SLC24A2: variants seen among roughly 807,000 people sequenced by gnomAD.
The protein encoded by SLC24A2 is solute carrier family 24 member 2.
Under a neutral mutation model 62.0 loss-of-function variants are expected in SLC24A2, and 36 were observed. That is an observed-to-expected ratio of 0.58 (90% CI 0.44 to 0.77). SLC24A2 has a LOEUF of 0.77. Ranked by LOEUF, SLC24A2 falls within the 30% of genes least tolerant of loss-of-function variation. The pLI is 0.00. For missense variants in SLC24A2, 846 were observed against 817.9 expected (o/e 1.03, Z -0.42); for synonymous variants, 358 against 294.0 (o/e 1.22, Z -2.23).
the SLC24A2 span, among the ~76,000 whole-genome samples, chr9:20,125,402 A>C: frequency 1.3e-5 from 2 of 152,232 alleles, no homozygotes; most frequent in African/African-American, 4.8e-5. Flanking sequence ...TGCACGTTGC[A>C]TTAATATAAC....
At chr9:20,104,456 C>A in the SLC24A2 span, among the ~76,000 whole-genome samples, 2 of 152,162 alleles carry the variant, frequency 1.3e-5, no homozygotes, top group African/African-American at 2.4e-5. Context: ...AGAGAAAGGT[C>A]GGGTTACCCA....
chr9:20,061,960 G>A, the SLC24A2 span, among the ~76,000 whole-genome samples: 1 of 152,196 alleles, frequency 6.6e-6, no homozygotes, highest in Middle Eastern at 3.2e-3. Flanking sequence ...TCTAGCCTGA[G>A]CATGCTGGCT....
chr9:20,245,971 G>A, the SLC24A2 span, among the ~76,000 whole-genome samples: 2 of 152,146 alleles, frequency 1.3e-5, no homozygotes, highest in African/African-American at 4.8e-5. Context: ...ATTAGTATAA[G>A]GGGGAGCCAG....
At chr9:20,108,989 T>C in the SLC24A2 span, among the ~76,000 whole-genome samples, 14 of 152,208 alleles carry the variant, frequency 9.2e-5, no homozygotes, top group African/African-American at 3.1e-4. Flanking sequence ...ATTTTAACTG[T>C]ACCTTTTCCA....
chr9:19,837,463 A>T, the SLC24A2 span, among the ~76,000 whole-genome samples: 1 of 104,138 alleles, frequency 9.6e-6, no homozygotes, highest in South Asian at 2.8e-4. Flanking sequence ...CGTCTCAAAA[A>T]AAAAAAAAAA....
chr9:19,621,262 G>T (rs149171658), intron 3 of SLC24A2, among the ~76,000 whole-genome samples: 1 of 152,192 alleles, frequency 6.6e-6, no homozygotes, highest in Non-Finnish European at 1.5e-5. Context: ...GGATGGAAAA[G>T]AATCAGTGGG....
chr9:20,121,246 C>A, the SLC24A2 span, among the ~76,000 whole-genome samples: 1 of 151,290 alleles, frequency 6.6e-6, no homozygotes, highest in African/African-American at 2.4e-5. Flanking sequence ...TCTTCCAATC[C>A]ATGAACTTTG....
the SLC24A2 span, among the ~76,000 whole-genome samples, chr9:20,239,149 C>A: frequency 6.6e-6 from 1 of 152,242 alleles, no homozygotes; most frequent in Non-Finnish European, 1.5e-5. Flanking sequence ...CAAATAGCCA[C>A]TGAGCAGAAG....
chr9:19,916,272 A>G, the SLC24A2 span, among the ~76,000 whole-genome samples: 2 of 152,048 alleles, frequency 1.3e-5, no homozygotes, highest in Non-Finnish European at 2.9e-5. Flanking sequence ...ATATGTCTAT[A>G]CTTATGCCAG....
intron 2 of SLC24A2, among the ~76,000 whole-genome samples, chr9:19,770,899 G>A (rs985802843): frequency 5.9e-5 from 9 of 152,064 alleles, no homozygotes; most frequent in African/African-American, 2.2e-4. Flanking sequence ...CCAACTCTTA[G>A]ACTTCAATAA....
chr9:20,206,702 G>A, the SLC24A2 span, among the ~76,000 whole-genome samples: 1 of 152,062 alleles, frequency 6.6e-6, no homozygotes, highest in African/African-American at 2.4e-5. Flanking sequence ...TGCTGGTCTC[G>A]AACTCCTGCC....
At chr9:19,755,320 T>C (rs1822108428) in intron 2 of SLC24A2, among the ~76,000 whole-genome samples, 1 of 152,200 alleles carries the variant, frequency 6.6e-6, no homozygotes, top group South Asian at 2.1e-4. Context: ...ACTTCTATTA[T>C]TGCAGTTATC....
chr9:19,973,844 T>C, the SLC24A2 span, among the ~76,000 whole-genome samples: 2 of 152,202 alleles, frequency 1.3e-5, no homozygotes, highest in Non-Finnish European at 2.9e-5. Flanking sequence ...TAGGTTTTTT[T>C]GAAGTACGGG....
chr9:20,235,200 C>T, the SLC24A2 span, among the ~76,000 whole-genome samples: 1 of 152,240 alleles, frequency 6.6e-6, no homozygotes, highest in Non-Finnish European at 1.5e-5. Context: ...GGCAGTCTGC[C>T]TGTTCTCAGA....
At chr9:19,906,955 A>T in the SLC24A2 span, among the ~76,000 whole-genome samples, 34 of 152,302 alleles carry the variant, frequency 2.2e-4, no homozygotes, top group African/African-American at 7.9e-4. Flanking sequence ...AAAAAGAGGG[A>T]ATCCTCCCTA....
the SLC24A2 span, among the ~76,000 whole-genome samples, chr9:20,231,642 G>A: frequency 9.9e-5 from 15 of 152,130 alleles, no homozygotes; most frequent in South Asian, 2.1e-4. Context: ...GGACTGAGAC[G>A]ATGGGGTTTT....
At chr9:19,831,652 A>C in the SLC24A2 span, among the ~76,000 whole-genome samples, 2 of 152,232 alleles carry the variant, frequency 1.3e-5, no homozygotes, top group Non-Finnish European at 2.9e-5. Context: ...TTAGGAAGAC[A>C]ACATTGTCTT....
At chr9:20,257,789 C>A in the SLC24A2 span, among the ~76,000 whole-genome samples, 2 of 152,050 alleles carry the variant, frequency 1.3e-5, no homozygotes, top group Non-Finnish European at 2.9e-5. Context: ...CATAGCAAAC[C>A]CTCAATAAAT....
the SLC24A2 span, among the ~76,000 whole-genome samples, chr9:19,831,297 G>A: frequency 2.3e-4 from 35 of 152,252 alleles, no homozygotes; most frequent in Middle Eastern, 6.8e-3. Context: ...AGGGGAGAGT[G>A]CCCATTCAAG....
Sources: gnomAD v4.1 joint callset for allele counts (sites outside exome capture counted in the v4.1 genomes callset) on GRCh38, gnomAD v4.1.1 for gene constraint, MANE v1.5 for transcripts, NCBI Gene and HGNC (gene_info 2026-07-23, HGNC 2026-07-21) for gene names.